Variants in DLG2 observed in about 807,000 individuals in gnomAD.
DLG2 encodes the protein disks large homolog 2.
Under a neutral mutation model 132.5 loss-of-function variants are expected in DLG2, and 45 were observed. The ratio of observed to expected loss-of-function variants is 0.34; its 90% CI spans 0.27 to 0.44. The LOEUF is 0.44. Among genes scored for constraint, DLG2 ranks in the 20% least tolerant of loss-of-function variants. The probability of loss-of-function intolerance (pLI) is 1.00; values close to 1 mark genes in which losing one functional copy is unlikely to be tolerated. For synonymous variants in DLG2, 424 were observed against 419.6 expected, an observed-to-expected ratio of 1.01 and a Z score of -0.13; for missense variants, 1,045 against 1,196.9, an observed-to-expected ratio of 0.87 and a Z score of 1.87.
intron 6 of DLG2, among the ~76,000 whole-genome samples, chr11:84,811,636 T>C (rs1249730613): frequency 3.9e-5 from 6 of 152,152 alleles, no homozygotes; most frequent in African/African-American, 1.4e-4. Flanking sequence ...AGATCCTGAA[T>C]AACATTTCTC....
At chr11:83,793,867 A>G (rs553258417) in intron 17 of DLG2, among the ~76,000 whole-genome samples, 1 of 152,322 alleles carries the variant, frequency 6.6e-6, no homozygotes, top group Admixed American at 6.5e-5. Flanking sequence ...CACAGAGTGC[A>G]ATATATTAGT....
chr11:84,170,320 C>A (rs2095791653), intron 8 of DLG2, among the ~76,000 whole-genome samples: 1 of 152,112 alleles, frequency 6.6e-6, no homozygotes, highest in Non-Finnish European at 1.5e-5. Flanking sequence ...ATTAAAACAT[C>A]AATTAAATAC....
intron 6 of DLG2, among the ~76,000 whole-genome samples, chr11:84,868,010 C>G (rs1301979131): frequency 6.6e-6 from 1 of 151,628 alleles, no homozygotes; most frequent in Non-Finnish European, 1.5e-5. Flanking sequence ...GGCGGCGGAG[C>G]TTGCAGTGAG....
chr11:83,880,475 G>T (rs1190201325), intron 15 of DLG2, among the ~76,000 whole-genome samples: 1 of 152,178 alleles, frequency 6.6e-6, no homozygotes, highest in African/African-American at 2.4e-5. Context: ...ATCTGGCTGG[G>T]TAGGCATTTC....
At chr11:84,034,522 T>C (rs1206333190) in intron 11 of DLG2, among the ~76,000 whole-genome samples, 1 of 152,214 alleles carries the variant, frequency 6.6e-6, no homozygotes, top group Non-Finnish European at 1.5e-5. Flanking sequence ...CCACATAATA[T>C]ATCATACTAT....
At chr11:83,605,132 C>G (rs1491001601) in intron 19 of DLG2, among the ~76,000 whole-genome samples, 1 of 151,930 alleles carries the variant, frequency 6.6e-6, no homozygotes, top group African/African-American at 2.4e-5. Context: ...ATGAGGAGGA[C>G]AGCTTTAAAA....
chr11:85,412,938 T>C (rs2089477474), intron 3 of DLG2, among the ~76,000 whole-genome samples: 2 of 151,788 alleles, frequency 1.3e-5, no homozygotes, highest in South Asian at 4.1e-4. Context: ...AGTACTGAGA[T>C]TGTTGGATCA....
intron 14 of DLG2, among the ~76,000 whole-genome samples, chr11:83,949,818 C>T (rs1388045767): frequency 6.6e-6 from 1 of 151,946 alleles, no homozygotes; most frequent in Non-Finnish European, 1.5e-5. Context: ...CTTCCTGCCT[C>T]TAAAAAAATA....
In DLG2 at chr11:84,351,458, T is replaced by C. The variant is rs1450532617; in HGVS notation, c.520-100167A>G. Among the ~76,000 whole-genome samples, 2 of 152,160 alleles carry C rather than the reference T, an allele frequency of 1.3e-5. 1 individual carries two copies. Among genetic ancestry groups the C allele is most frequent in the African/African-American group, 4.8e-5 (2 of 41,442 alleles). On this transcript the variant is annotated intron_variant, in intron 7 of 27. Transcript: ENST00000376104. ...CATACTCACGTAAACTTTATATAAA[T>C]AAATAATGCTCGGAACCTAACTACC...
At chr11:85,179,671 G>A (rs78007242) in intron 4 of DLG2, among the ~76,000 whole-genome samples, 2,585 of 151,868 alleles carry the variant, frequency 0.017, 100 homozygotes, top group Non-Finnish European at 0.014. Flanking sequence ...GTGGGTGAAG[G>A]AGAAAGGAAA....
intron 18 of DLG2, among the ~76,000 whole-genome samples, chr11:83,640,648 C>T (rs1337202318): frequency 6.6e-6 from 1 of 152,132 alleles, no homozygotes; most frequent in Non-Finnish European, 1.5e-5. Flanking sequence ...AAGAGGCTCA[C>T]AGGATAGTGC....
intron 16 of DLG2, among the ~76,000 whole-genome samples, chr11:83,838,824 T>C (rs1806943808): frequency 6.6e-6 from 1 of 152,030 alleles, no homozygotes; most frequent in Admixed American, 6.5e-5. Flanking sequence ...TTTGCACTTC[T>C]TATAAAATTA....
At chr11:85,120,972 G>T (rs561380928) in intron 5 of DLG2, among the ~76,000 whole-genome samples, 2 of 151,974 alleles carry the variant, frequency 1.3e-5, no homozygotes, top group Non-Finnish European at 2.9e-5. Flanking sequence ...ACAGAATAAC[G>T]TAACATCCAT....
intron 6 of DLG2, among the ~76,000 whole-genome samples, chr11:85,027,085 A>C (rs7126134): frequency 6.6e-6 from 1 of 151,658 alleles, no homozygotes; most frequent in African/African-American, 2.4e-5. Context: ...CAGTCGCTAA[A>C]AGAAAGCAGA....
intron 19 of DLG2, among the ~76,000 whole-genome samples, chr11:83,599,817 G>T (rs2058234172): frequency 6.6e-6 from 1 of 152,174 alleles, no homozygotes; most frequent in Non-Finnish European, 1.5e-5. Flanking sequence ...ACAGTGAGTT[G>T]AAAAGCAGTA....
chr11:83,785,535 A>C (rs998211726), intron 18 of DLG2, among the ~76,000 whole-genome samples: 1 of 152,270 alleles, frequency 6.6e-6, no homozygotes, highest in Non-Finnish European at 1.5e-5. Flanking sequence ...GGCCTAGGCC[A>C]CATAGGAAAA....
intron 3 of DLG2, among the ~76,000 whole-genome samples, chr11:85,524,511 G>C (rs1283789855): frequency 6.7e-6 from 1 of 150,062 alleles, no homozygotes; most frequent in Non-Finnish European, 1.5e-5. Context: ...TCATTTTTTT[G>C]AGACAGGATC....
chr11:84,686,314 T>C (rs1402854441), intron 6 of DLG2, among the ~76,000 whole-genome samples: 1 of 152,178 alleles, frequency 6.6e-6, no homozygotes, highest in Non-Finnish European at 1.5e-5. Context: ...TCTGAATCAT[T>C]TTTTAATACG....
intron 7 of DLG2, among the ~76,000 whole-genome samples, chr11:84,345,887 G>T (rs921082403): frequency 6.6e-6 from 1 of 152,162 alleles, no homozygotes; most frequent in African/African-American, 2.4e-5. Flanking sequence ...ATCCGAGACT[G>T]TCTGGCCTAC....
Sources: allele counts gnomAD v4.1 joint callset (sites outside exome capture counted in the v4.1 genomes callset), GRCh38; gene constraint gnomAD v4.1.1; transcripts MANE v1.5; gene names NCBI Gene and HGNC (gene_info 2026-07-23, HGNC 2026-07-21).